GRAMD4: variants seen among roughly 807,000 people sequenced by gnomAD.
GRAMD4 encodes the protein GRAM domain containing 4.
A neutral mutation model predicts 83.9 loss-of-function variants in GRAMD4; 25 were observed. That is an observed-to-expected ratio of 0.30 (90% CI 0.22 to 0.42). GRAMD4 has a LOEUF of 0.42. Among genes scored for constraint, GRAMD4 ranks in the 10% least tolerant of loss-of-function variants. The pLI, the probability that GRAMD4 is intolerant of heterozygous loss-of-function variation, is 1.00. For synonymous variants in GRAMD4, 336 were observed against 320.9 expected (o/e 1.05, Z -0.50); for missense variants, 593 against 788.7 (o/e 0.75, Z 2.97).
At chr22:46,640,178 T>G (rs2081955161) in intron 3 of GRAMD4, among the ~76,000 whole-genome samples, 1 of 152,226 alleles carries the variant, frequency 6.6e-6, no homozygotes, top group Non-Finnish European at 1.5e-5. Context: ...ACCTCACGAA[T>G]TGCCTTTCTG....
downstream of GRAMD4, among the ~76,000 whole-genome samples, chr22:46,681,125 A>G (rs900672299): frequency 6.6e-6 from 1 of 151,758 alleles, no homozygotes. Context: ...AACTTGGAAC[A>G]AGGCTCAGAC....
chr22:46,637,836 C>T lies in GRAMD4; in HGVS notation c.163-4C>T. The T allele has an allele frequency of 6.2e-7, 1 of 1,613,894 alleles. No individual in the cohort carries two copies. The highest frequency in any genetic ancestry group is 2.2e-5 in the East Asian group (1 of 44,876). On this transcript the variant is annotated splice_region_variant and splice_polypyrimidine_tract_variant and intron_variant, in intron 2 of 18. Transcript: ENST00000406902. ...CCTTTGAGCTTTTGGTGTTTTTCTT[C>T]TAGGCTGGTCCAGGGACCCTCATCA...
At chr22:46,636,318 C>A (rs2081887327) in intron 2 of GRAMD4, among the ~76,000 whole-genome samples, 1 of 152,228 alleles carries the variant, frequency 6.6e-6, no homozygotes, top group South Asian at 2.1e-4. Flanking sequence ...CTGGGACAGA[C>A]CCCAAGCAGC....
downstream of GRAMD4, among the ~76,000 whole-genome samples, chr22:46,680,546 C>A (rs1460551326): frequency 6.9e-6 from 1 of 144,294 alleles, no homozygotes; most frequent in Non-Finnish European, 1.5e-5. Flanking sequence ...CCACATCTGT[C>A]CGTCCGTCCG....
At chr22:46,632,093 T>G (rs138477) in intron 2 of GRAMD4, among the ~76,000 whole-genome samples, 3 of 150,018 alleles carry the variant, frequency 2.0e-5, no homozygotes, top group African/African-American at 7.3e-5. Context: ...CTTCCTTTCG[T>G]TGTGGGCTGT....
chr22:46,668,261 G>A (rs1324894034), intron 11 of GRAMD4, 94 bp downstream of exon 11: 32 of 832,724 alleles, frequency 3.8e-5, no homozygotes, highest in Non-Finnish European at 5.5e-5. Flanking sequence ...GGTCTCCGCC[G>A]GCCTCCGCTG....
intron 2 of GRAMD4, among the ~76,000 whole-genome samples, chr22:46,635,729 G>T (rs1204596468): frequency 8.9e-4 from 102 of 113,968 alleles, no homozygotes; most frequent in African/African-American, 2.2e-3. Context: ...CTGTCCTGGG[G>T]GCCCGTGTCC....
At chr22:46,584,353 G>A (rs1238867645) in intron 1 of GRAMD4, among the ~76,000 whole-genome samples, 1 of 152,158 alleles carries the variant, frequency 6.6e-6, no homozygotes, top group Non-Finnish European at 1.5e-5. Context: ...CGTGTGAGCT[G>A]ACGCGCACAT....
In GRAMD4 at chr22:46,601,422, A is replaced by G. The variant is rs556809356; in HGVS notation, c.-50+24132A>G. 5.6e-4 allele frequency among the ~76,000 whole-genome samples: 85 copies of G among 152,088 alleles called. 1 individual carries two copies. The highest frequency in any genetic ancestry group is 1.8e-4 in the Non-Finnish European group (12 of 67,950). On this transcript the variant is annotated intron_variant, in intron 1 of 1. Coordinates refer to the GRAMD4 transcript ENST00000431155. ...GAACCTCTGGTTTAGGTCTTAGGCA[A>G]GATTCTCTGCCATGTGAATTAGGGT...
chr22:46,648,831 G>GATGGATGGATGC (rs2082117801), intron 3 of GRAMD4, among the ~76,000 whole-genome samples: 1 of 133,678 alleles, frequency 7.5e-6, no homozygotes, highest in Non-Finnish European at 1.6e-5. Flanking sequence ...TGGATGGATG[G>GATGGATGGATGC]ATGGATGGAT....
chr22:46,664,653 G>T (rs1339554549), intron 8 of GRAMD4, among the ~76,000 whole-genome samples: 8 of 152,208 alleles, frequency 5.3e-5, no homozygotes, highest in African/African-American at 1.9e-4. Context: ...CAGGAGACTT[G>T]CCACCTGTGT....
upstream of GRAMD4, among the ~76,000 whole-genome samples, chr22:46,615,747 T>A (rs1267710462): frequency 7.8e-5 from 2 of 25,666 alleles, no homozygotes; most frequent in Non-Finnish European, 7.9e-5. Context: ...GGTTCCCCTG[T>A]GCGTGTAGGT....
intron 13 of GRAMD4, among the ~76,000 whole-genome samples, chr22:46,669,787 T>G (rs6008949): frequency 6.6e-6 from 1 of 151,686 alleles, no homozygotes; most frequent in African/African-American, 2.4e-5. Context: ...CCTTATTGGC[T>G]AGGCTGGTCT....
chr22:46,642,600 C>T (rs2081988625), intron 3 of GRAMD4, among the ~76,000 whole-genome samples: 1 of 152,130 alleles, frequency 6.6e-6, no homozygotes, highest in African/African-American at 2.4e-5. Flanking sequence ...GTTCTTTTGT[C>T]CTTAGGGCTT....
At chr22:46,648,172 A>T (rs2082098249) in intron 3 of GRAMD4, among the ~76,000 whole-genome samples, 1 of 151,310 alleles carries the variant, frequency 6.6e-6, no homozygotes, top group Non-Finnish European at 1.5e-5. Flanking sequence ...GTGGATGGAT[A>T]AATGGATGGA....
intron 1 of GRAMD4, among the ~76,000 whole-genome samples, chr22:46,607,711 A>G (rs1453079855): frequency 6.6e-6 from 1 of 152,044 alleles, no homozygotes; most frequent in Non-Finnish European, 1.5e-5. Context: ...GCCTCTTCCA[A>G]CCATTGGCCA....
rs771675602 is a variant in GRAMD4, at chr22:46,666,820, G to C, written c.810-5G>C. 2 of 1,610,446 alleles carry C rather than the reference G, an allele frequency of 1.2e-6. No homozygotes were observed. The highest frequency in any genetic ancestry group is 1.7e-5 in the Admixed American group (1 of 59,696). ...CTAAAGGTGTGTGTGTTTTCTGTTC[G>C]CCAGGGGGTGGCGGATACAGTGGAG... On this transcript the variant is annotated splice_region_variant and splice_polypyrimidine_tract_variant and intron_variant, in intron 9 of 18. Transcript: ENST00000406902.
upstream of GRAMD4, among the ~76,000 whole-genome samples, chr22:46,619,960 C>T (rs943123537): frequency 5.2e-4 from 79 of 152,198 alleles, no homozygotes; most frequent in African/African-American, 1.8e-3. Flanking sequence ...GCAGGAGAGC[C>T]GCCAGATAAT....
intron 1 of GRAMD4, among the ~76,000 whole-genome samples, chr22:46,596,444 G>C (rs1425538829): frequency 6.6e-6 from 1 of 152,226 alleles, no homozygotes; most frequent in African/African-American, 2.4e-5. Flanking sequence ...TGCCTCCTGG[G>C]CTGTTGAGTG....
Sources: allele counts gnomAD v4.1 joint callset (sites outside exome capture counted in the v4.1 genomes callset), GRCh38; gene constraint gnomAD v4.1.1; transcripts MANE v1.5; gene names NCBI Gene and HGNC (gene_info 2026-07-23, HGNC 2026-07-21).